SLC12A9: variants seen among roughly 807,000 people sequenced by gnomAD.
SLC12A9 encodes the protein solute carrier family 12 member 9.
SLC12A9 carries 55 observed loss-of-function variants against 66.0 expected under a neutral mutation model. The observed-to-expected ratio is 0.83, with a 90% CI of 0.67 to 1.04. The LOEUF is 1.04. Ranked by LOEUF, SLC12A9 falls within the 50% of genes least tolerant of loss-of-function variation. The probability of loss-of-function intolerance (pLI) is 0.00; values close to 1 mark genes in which losing one functional copy is unlikely to be tolerated. For missense variants in SLC12A9, 1,061 were observed against 1,241.9 expected (o/e 0.85, Z 2.19); for synonymous variants, 577 against 569.0 (o/e 1.01, Z -0.20).
intron 9 of SLC12A9, chr7:100,860,930 T>G: frequency 4.8e-6 from 4 of 827,320 alleles, no homozygotes; most frequent in South Asian, 1.5e-5. Flanking sequence ...CATTGACACT[T>G]TGGGGGTGCA....
chr7:100,855,401 C>T (rs553712016), intron 3 of SLC12A9: 34 of 333,094 alleles, frequency 1.0e-4, no homozygotes, highest in East Asian at 5.7e-4. Flanking sequence ...GGATTACAGG[C>T]GTCAGCCACT....
chr7:100,859,074 C>A lies in SLC12A9; in HGVS notation c.890C>A (p.Ala297Glu). 1.2e-6 allele frequency: 2 copies of A among 1,613,742 alleles called. No homozygotes were observed. Among genetic ancestry groups the A allele is most frequent in the Non-Finnish European group, 1.7e-6 (2 of 1,180,008 alleles). The change falls in exon 7 of 14, where the codon GCG (alanine) becomes GAG (glutamate). Residue 297 changes from alanine (A) to glutamate (E), a missense_variant. Ala to Glu is a moderately radical substitution (Grantham distance 107). Transcript: ENST00000354161. ...MSGELKDPSR[A>E]IPLGTIVAVA... ...GGGGAGCTGAAGGACCCCAGCCGGG[C>A]GATCCCTCTGGGCACGATCGTCGCC...
At position 100,831,156 on chromosome 7, in the gene SLC12A9, G is replaced by A. The variant is rs74299686; in HGVS notation, n.228+4109G>A. Among the ~76,000 whole-genome samples, 44 of 152,158 alleles carry A rather than the reference G, an allele frequency of 2.9e-4. No individual in the cohort carries two copies. In the East Asian group the frequency reaches 6.9e-3, roughly 24 times the overall value. ...CGCATAGCATCCACCAACAGCTACTGGAGTTTTCTTTTTCTTTTCTTTTGT... is the reference window on the plus strand; with the variant it reads ...CGCATAGCATCCACCAACAGCTACTAGAGTTTTCTTTTTCTTTTCTTTTGT... On this transcript the variant is annotated intron_variant and non_coding_transcript_variant, in intron 1 of 1. Coordinates refer to the SLC12A9 transcript ENST00000461016.
At position 100,861,705 on chromosome 7, in the gene SLC12A9, C is replaced by T; in HGVS notation, c.1537-32C>T. On this transcript the variant is annotated intron_variant, in intron 11 of 13. Transcript: ENST00000354161. The surrounding 1 kb of genome is among the most constrained non-coding windows in gnomAD (Gnocchi z 5.3). ...GAACGGGGCTGTGCATTTGATCCTGCCACTTCCCCACTGCCTCACCCCTAT... is the reference window on the plus strand; with the variant it reads ...GAACGGGGCTGTGCATTTGATCCTGTCACTTCCCCACTGCCTCACCCCTAT... The T allele has an allele frequency of 6.2e-7, 1 of 1,613,582 alleles. No individual in the cohort carries two copies. Among genetic ancestry groups the T allele is most frequent in the Non-Finnish European group, 8.5e-7 (1 of 1,179,530 alleles).
chr7:100,832,367 C>G (rs1479136832), intron 1 of SLC12A9, among the ~76,000 whole-genome samples: 1 of 152,024 alleles, frequency 6.6e-6, no homozygotes, highest in South Asian at 2.1e-4. Context: ...TAAAAAATAG[C>G]TGGGCGTGGT....
upstream of SLC12A9, among the ~76,000 whole-genome samples, chr7:100,850,654 C>T (rs1212649663): frequency 6.6e-6 from 1 of 152,110 alleles, no homozygotes; most frequent in Non-Finnish European, 1.5e-5. Flanking sequence ...CAGTTTCAGC[C>T]TCCTGAGTAG....
chr7:100,860,980 T>C, intron 9 of SLC12A9, 158 bp from the exon 10 acceptor site: 1 of 1,335,630 alleles, frequency 7.5e-7, no homozygotes, highest in South Asian at 1.2e-5. Flanking sequence ...GGGGGTTCAT[T>C]GACACTTTGG....
Position 100,866,614 on chromosome 7 carries a change from C to A in SLC12A9, c.*9C>A. ...CCTGCACTGATCTGTGATGCCCCTG[C>A]CTCCAGGGCTAGGTAGAGAGGGCCC... On this transcript the variant is annotated 3_prime_UTR_variant, in exon 14 of 14. Transcript: ENST00000354161. The surrounding 1 kb of genome is among the most constrained non-coding windows in gnomAD (Gnocchi z 7.3). 6.5e-7 allele frequency: 1 copy of A among 1,542,758 alleles called. No homozygotes were observed. Among genetic ancestry groups the A allele is most frequent in the Non-Finnish European group, 8.8e-7 (1 of 1,141,992 alleles).
rs1471502336 is a variant in SLC12A9, at chr7:100,866,300, G to T, written c.2440G>T (p.Ala814Ser). ...GEGAGAGEPE[A>S]EEEGDFVNSG... ...GGGGGCCGGGGCTGGGGAACCCGAG[G>T]CGGAGGAGGAAGGGGACTTTGTGAA... The change falls in exon 14 of 14, where the codon GCG (alanine) becomes TCG (serine). Residue 814 changes from alanine to serine, a missense_variant. Ala to Ser is a moderately conservative substitution (Grantham distance 99, BLOSUM62 1). Coordinates refer to ENST00000354161, the MANE Select transcript of SLC12A9 (RefSeq NM_020246.4). The surrounding 1 kb of genome is among the most constrained non-coding windows in gnomAD (Gnocchi z 7.3). 1 of 1,519,830 alleles carries T rather than the reference G, an allele frequency of 6.6e-7. No homozygotes were observed. Among genetic ancestry groups the T allele is most frequent in the East Asian group, 2.4e-5 (1 of 41,152 alleles). 94.1% of individuals were successfully genotyped at this position (1,519,830 alleles called of 1,614,324 possible).
upstream of SLC12A9, among the ~76,000 whole-genome samples, chr7:100,851,784 CAAAAAAAAA>C (rs66749400): frequency 5.4e-5 from 4 of 74,240 alleles, no homozygotes; most frequent in Admixed American, 1.8e-4. Context: ...GTTCCTGGAT[CAAAAAAAAA>C]AAAAAAAAAA....
chr7:100,849,432 C>T (rs1814007791), upstream of SLC12A9, among the ~76,000 whole-genome samples: 1 of 151,246 alleles, frequency 6.6e-6, no homozygotes, highest in Admixed American at 6.6e-5. Flanking sequence ...GAAGAGGACC[C>T]AGGGCGGGTG....
intron 13 of SLC12A9, among the ~76,000 whole-genome samples, chr7:100,864,807 G>A (rs1356983080): frequency 6.6e-6 from 1 of 152,128 alleles, no homozygotes; most frequent in Non-Finnish European, 1.5e-5. Context: ...GCATTACTTC[G>A]AGTTTCAAAT....
At chr7:100,860,119 G>A (rs751676042) in intron 8 of SLC12A9, 31 bp from the exon 9 acceptor site, 8 of 1,614,206 alleles carry the variant, frequency 5.0e-6, no homozygotes, top group Non-Finnish European at 6.8e-6. Context: ...AGCCCTGGCT[G>A]ATGTGTCTGC....
upstream of SLC12A9, among the ~76,000 whole-genome samples, chr7:100,848,818 A>G (rs1813984890): frequency 2.6e-5 from 4 of 151,960 alleles, no homozygotes; most frequent in South Asian, 2.1e-4. Context: ...CCTGGGAGGC[A>G]GAGCTTGCAG....
intron 1 of SLC12A9, among the ~76,000 whole-genome samples, chr7:100,836,882 G>A (rs1813671648): frequency 6.6e-6 from 1 of 151,584 alleles, no homozygotes; most frequent in African/African-American, 2.4e-5. Context: ...GTGGGGGTGA[G>A]GTGGGCGGAT....
chr7:100,854,292 CG>C lies in SLC12A9; in HGVS notation c.96del (p.Ser33LeufsTer22). On this transcript the variant is annotated frameshift_variant, in exon 2 of 14. Coordinates refer to ENST00000354161, the MANE Select transcript of SLC12A9 (RefSeq NM_020246.4). LOFTEE classifies it high-confidence loss of function. ...AATGGGGCCGGGGGTCCTGGAGGGG[CG>C]TCTGCCCGGAAGCTGTCCACCTTCC... ...PANGAGGPGG[A>X]SARKLSTFLG... is the part of the protein sequence containing the mutation. 2.5e-6 allele frequency: 4 copies of C among 1,600,318 alleles called. No individual in the cohort carries two copies. Among genetic ancestry groups the C allele is most frequent in the Non-Finnish European group, 3.4e-6 (4 of 1,176,482 alleles).
At chr7:100,862,638 T>C in intron 12 of SLC12A9, 43 bp from the exon 13 acceptor site, 2 of 1,608,674 alleles carry the variant, frequency 1.2e-6, no homozygotes, top group Non-Finnish European at 1.7e-6. Flanking sequence ...GACATTGAGT[T>C]TGGACAACAC....
At chr7:100,832,633 G>A (rs555945871) in intron 1 of SLC12A9, among the ~76,000 whole-genome samples, 1 of 152,256 alleles carries the variant, frequency 6.6e-6, no homozygotes, top group Non-Finnish European at 1.5e-5. Context: ...GGTAGTAAAT[G>A]CAAGTATTCC....
At position 100,866,316 on chromosome 7, in the gene SLC12A9, A is replaced by T. The variant is rs1348800956; in HGVS notation, c.2456A>T (p.Asp819Val). 1 of 1,510,040 alleles carries T rather than the reference A, an allele frequency of 6.6e-7. No homozygotes were observed. Among genetic ancestry groups the T allele is most frequent in the East Asian group, 2.5e-5 (1 of 40,788 alleles). 93.5% of individuals were successfully genotyped at this position (1,510,040 alleles called of 1,614,324 possible). A position where few individuals can be genotyped will look rare whatever the true frequency, so the allele number is the denominator to read the frequency against. Residue 819 changes from aspartate (D) to valine (V), a missense_variant, in exon 14 of 14, where the codon GAC becomes GTC. Transcript: ENST00000354161. The surrounding 1 kb of genome is among the most constrained non-coding windows in gnomAD (Gnocchi z 7.3). ...AGEPEAEEEG[D>V]FVNSGRGDAE... ...GAACCCGAGGCGGAGGAGGAAGGGG[A>T]CTTTGTGAACAGTGGGCGGGGAGAC...
Sources: gnomAD v4.1 joint callset for allele counts (sites outside exome capture counted in the v4.1 genomes callset) on GRCh38, gnomAD v4.1.1 for gene constraint, Gnocchi (gnomAD v3.1) non-coding constraint, MANE v1.5 for transcripts, NCBI Gene and HGNC (gene_info 2026-07-23, HGNC 2026-07-21) for gene names.